TNNI3K: variants seen among roughly 807,000 people sequenced by gnomAD.
TNNI3K encodes serine/threonine-protein kinase TNNI3K.
A neutral mutation model predicts 114.5 loss-of-function variants in TNNI3K; 140 were observed. The ratio of observed to expected loss-of-function variants is 1.22; its 90% confidence interval spans 1.07 to 1.41. The LOEUF (loss-of-function observed/expected upper bound fraction) is 1.41. Among genes scored for constraint, TNNI3K ranks in the 40% most tolerant of loss-of-function variants. TNNI3K has a pLI of 0.00. For synonymous variants in TNNI3K, 347 were observed against 347.5 expected (o/e 1.00, Z 0.02); for missense variants, 1,125 against 1,007.6 (o/e 1.12, Z -1.58).
intron 23 of TNNI3K, among the ~76,000 whole-genome samples, chr1:74,535,353 C>T (rs1271698385): frequency 6.6e-6 from 1 of 152,090 alleles, no homozygotes; most frequent in Non-Finnish European, 1.5e-5. Context: ...TGCCTGTAAT[C>T]CCAGCTACTC....
At chr1:74,416,322 G>A (rs1370070497) in intron 17 of TNNI3K, 1 of 985,234 alleles carries the variant, frequency 1.0e-6, no homozygotes, top group Non-Finnish European at 1.2e-6. Flanking sequence ...ACCAAAAAGG[G>A]ACCTTAGTGA....
intron 4 of TNNI3K, among the ~76,000 whole-genome samples, chr1:74,256,082 T>A (rs577881807): frequency 7.2e-5 from 11 of 152,168 alleles, no homozygotes; most frequent in Non-Finnish European, 1.5e-4. Flanking sequence ...CACATACAGG[T>A]ATTTGTTTGA....
chr1:74,412,786 T>C (rs3863718), intron 17 of TNNI3K, among the ~76,000 whole-genome samples: 10,451 of 152,116 alleles, frequency 0.069, 419 homozygotes, highest in African/African-American at 0.1. Context: ...GGCTAATTCT[T>C]GTATTTTTAT....
intron 17 of TNNI3K, among the ~76,000 whole-genome samples, chr1:74,409,067 G>A (rs1280166662): frequency 2.6e-5 from 4 of 151,380 alleles, no homozygotes; most frequent in Admixed American, 2.0e-4. Context: ...CATTGTCATG[G>A]CACTTTGCAA....
chr1:74,438,959 C>G (rs1486147303), intron 19 of TNNI3K: 3 of 152,098 alleles, frequency 2.0e-5, no homozygotes, highest in African/African-American at 7.2e-5. Context: ...CCTCGGGAGC[C>G]ATTTCTCTCC....
chr1:74,250,208 CCAAA>C (rs1477579245), intron 3 of TNNI3K, among the ~76,000 whole-genome samples: 3 of 152,188 alleles, frequency 2.0e-5, no homozygotes, highest in African/African-American at 7.2e-5. Flanking sequence ...CCCAAACAAA[CCAAA>C]CAGACTCTGC....
intron 5 of TNNI3K, among the ~76,000 whole-genome samples, chr1:74,289,748 C>T (rs532762004): frequency 1.1e-4 from 17 of 152,008 alleles, no homozygotes; most frequent in Admixed American, 2.6e-4. Context: ...TCCCCCTAAC[C>T]TCATACTTAG....
At chr1:74,457,999 A>G (rs1489290717) in intron 20 of TNNI3K, among the ~76,000 whole-genome samples, 1 of 152,198 alleles carries the variant, frequency 6.6e-6, no homozygotes, top group South Asian at 2.1e-4. Context: ...AACAGAAAAC[A>G]TACAATTATG....
chr1:74,360,523 T>A (rs1661905681), intron 11 of TNNI3K, among the ~76,000 whole-genome samples: 1 of 152,100 alleles, frequency 6.6e-6, no homozygotes, highest in African/African-American at 2.4e-5. Flanking sequence ...ATAATAACCC[T>A]GTGAGGCCGT....
intron 5 of TNNI3K, among the ~76,000 whole-genome samples, chr1:74,295,793 T>G (rs1211374604): frequency 1.3e-5 from 2 of 152,220 alleles, no homozygotes; most frequent in Non-Finnish European, 2.9e-5. Context: ...AATTTGAGAC[T>G]AATAATATTC....
chr1:74,415,178 C>T (rs1050078185), intron 17 of TNNI3K, among the ~76,000 whole-genome samples: 2 of 152,118 alleles, frequency 1.3e-5, no homozygotes, highest in African/African-American at 4.8e-5. Flanking sequence ...ACAGTTTTCC[C>T]CCAGCCCATA....
intron 21 of TNNI3K, chr1:74,483,405 C>T: frequency 1.4e-6 from 1 of 712,348 alleles, no homozygotes; most frequent in South Asian, 1.5e-5. Flanking sequence ...CAATGTATAT[C>T]ATAATGTTGG....
At chr1:74,469,084 CTTAAA>C (rs1438125288) in intron 21 of TNNI3K, 2 of 152,330 alleles carry the variant, frequency 1.3e-5, no homozygotes, top group Admixed American at 6.6e-5. Flanking sequence ...TTTTCAAAAT[CTTAAA>C]TTAATAACAA....
chr1:74,252,743 G>A (rs1655013880), intron 4 of TNNI3K, among the ~76,000 whole-genome samples: 1 of 152,162 alleles, frequency 6.6e-6, no homozygotes, highest in East Asian at 1.9e-4. Flanking sequence ...CCGTGGGTTC[G>A]TGGTCTCGCT....
intron 23 of TNNI3K, among the ~76,000 whole-genome samples, chr1:74,497,898 C>T (rs912630542): frequency 6.6e-6 from 1 of 152,160 alleles, no homozygotes; most frequent in East Asian, 1.9e-4. Context: ...TTTCATCATA[C>T]GTTCCAGTGG....
At chr1:74,282,383 G>T (rs1657067557) in intron 5 of TNNI3K, among the ~76,000 whole-genome samples, 1 of 151,986 alleles carries the variant, frequency 6.6e-6, no homozygotes, top group African/African-American at 2.4e-5. Context: ...GATTTCCTCT[G>T]AGGCCTCTCT....
At chr1:74,243,247 G>A (rs933834322) in intron 2 of TNNI3K, among the ~76,000 whole-genome samples, 2 of 152,038 alleles carry the variant, frequency 1.3e-5, no homozygotes, top group African/African-American at 2.4e-5. Flanking sequence ...GATTTTATTT[G>A]CAAGATATCA....
chr1:74,486,046 A>C (rs1668741964), intron 21 of TNNI3K, among the ~76,000 whole-genome samples: 1 of 152,180 alleles, frequency 6.6e-6, no homozygotes, highest in Non-Finnish European at 1.5e-5. Context: ...CATTGTTTTA[A>C]ATCACTAGGT....
At chr1:74,241,877 T>C (rs1654244721) in intron 2 of TNNI3K, among the ~76,000 whole-genome samples, 1 of 146,878 alleles carries the variant, frequency 6.8e-6, no homozygotes, top group South Asian at 2.2e-4. Flanking sequence ...TCAGACGGAG[T>C]CTCGCTCTGT....
Sources: allele counts gnomAD v4.1 joint callset (sites outside exome capture counted in the v4.1 genomes callset), GRCh38; gene constraint gnomAD v4.1.1; transcripts MANE v1.5; gene names NCBI Gene and HGNC (gene_info 2026-07-23, HGNC 2026-07-21).